Variants in PTPRA observed in about 807,000 individuals in gnomAD.
The protein encoded by PTPRA is receptor-type tyrosine-protein phosphatase alpha.
In PTPRA, 25 loss-of-function variants were observed where a neutral mutation model predicts 104.8. The ratio of observed to expected loss-of-function variants is 0.24; its 90% CI spans 0.17 to 0.33. The LOEUF (loss-of-function observed/expected upper bound fraction) is 0.33. Ranked by LOEUF, PTPRA falls within the 10% of genes least tolerant of loss-of-function variation. The pLI is 1.00. For missense variants in PTPRA, 765 were observed against 1,015.3 expected (o/e 0.75, Z 3.35); for synonymous variants, 323 against 368.9 (o/e 0.88, Z 1.43).
In PTPRA at chr20:3,037,967, C is replaced by A; in HGVS notation, c.2335-92C>A. On this transcript the variant is annotated intron_variant, in intron 23 of 23. Transcript: ENST00000399903. The surrounding 1 kb of genome is among the most constrained non-coding windows in gnomAD (Gnocchi z 4.3). The stretch of plus-strand genomic sequence containing the variant: ...AAAACATTCAGTTCCTCTTGATTTT[C>A]CATCTTCAACAAAAAAATGAGTCTG... The A allele has an allele frequency of 9.0e-7, 1 of 1,109,472 alleles. No homozygotes were observed. The highest frequency in any genetic ancestry group is 1.4e-6 in the Non-Finnish European group (1 of 740,432). 68.7% of individuals were successfully genotyped at this position (1,109,472 alleles called of 1,614,324 possible).
intron 5 of PTPRA, among the ~76,000 whole-genome samples, chr20:2,974,797 G>A (rs1159428503): frequency 6.6e-6 from 1 of 152,196 alleles, no homozygotes; most frequent in Non-Finnish European, 1.5e-5. Context: ...GGGTTTATAA[G>A]GGCTGTGGAT....
chr20:3,029,970 TC>T (rs1371828673), intron 20 of PTPRA, among the ~76,000 whole-genome samples: 1 of 152,192 alleles, frequency 6.6e-6, no homozygotes, highest in Non-Finnish European at 1.5e-5. Context: ...AGGTGCCTGT[TC>T]CTGCCGTCTC....
At chr20:2,972,801 T>C (rs2062247107) in intron 5 of PTPRA, among the ~76,000 whole-genome samples, 5 of 152,138 alleles carry the variant, frequency 3.3e-5, no homozygotes. Flanking sequence ...CATTGCGGCC[T>C]GCACCTCCTG....
At chr20:3,032,627 GCGA>G (rs2065543524) in intron 20 of PTPRA, among the ~76,000 whole-genome samples, 1 of 151,748 alleles carries the variant, frequency 6.6e-6, no homozygotes, top group African/African-American at 2.4e-5. Flanking sequence ...TTAGCTGGGC[GCGA>G]TGGTGCATGC....
chr20:2,928,838 T>TC (rs1466333070), intron 2 of PTPRA, among the ~76,000 whole-genome samples: 1 of 150,614 alleles, frequency 6.6e-6, no homozygotes, highest in Non-Finnish European at 1.5e-5. Flanking sequence ...CTCTTTTTTT[T>TC]TTTTTTTTTG....
chr20:2,878,944 A>G (rs1372852943), intron 1 of PTPRA, among the ~76,000 whole-genome samples: 1 of 152,220 alleles, frequency 6.6e-6, no homozygotes, highest in African/African-American at 2.4e-5. Context: ...AGATTGAAAT[A>G]TTGTGGAAGT....
At chr20:3,020,514 A>G (rs2064811995) in intron 13 of PTPRA, among the ~76,000 whole-genome samples, 1 of 152,028 alleles carries the variant, frequency 6.6e-6, no homozygotes, top group African/African-American at 2.4e-5. Context: ...ATGAACTGAG[A>G]CCCTGCAAGC....
At position 3,017,832 on chromosome 20, in the gene PTPRA, G is replaced by A. The variant is rs150777147; in HGVS notation, c.960G>A (p.Thr320=). ...CTACTTTAGGACCAAAAGAAGAAAC[G>A]GTGAATGATTTCTGGCGGATGATCT... The part of the protein sequence containing the change: ...FIAAQGPKEE[T]VNDFWRMIWE... The change falls in exon 13 of 24, where the codon ACG becomes ACA. Residue 320 remains threonine (T), a synonymous_variant. Coordinates refer to ENST00000399903, the MANE Select transcript of PTPRA (RefSeq NM_001385305.1). 3.6e-5 allele frequency: 58 copies of A among 1,614,104 alleles called. No homozygotes were observed. The highest frequency in any genetic ancestry group is 6.7e-5 in the East Asian group (3 of 44,884).
rs945141024 is a variant in PTPRA at position 2,988,433 on chromosome 20, A to C, written c.697A>C (p.Arg233=). ...CAAGCTGGAAGAGGAAATTAACCGG[A>C]GAATGGCAGACGACAATAAGCTCTT... ...VDKLEEEINR[R]MADDNKLFRE... Residue 233 remains arginine, a synonymous_variant, in exon 9 of 24, where the codon AGA becomes CGA. Transcript: ENST00000399903. 11 of 1,612,904 alleles carry C rather than the reference A, an allele frequency of 6.8e-6. No individual in the cohort carries two copies. In the African/African-American group the frequency reaches 1.1e-4, roughly 16 times the overall value.
rs142453302 is a variant in PTPRA, at chr20:3,016,713, C to A, written c.943+828C>A. On this transcript the variant is annotated intron_variant, in intron 12 of 23. Transcript: ENST00000399903. ...TGAGATTGCACTACTGTACTCCAGC[C>A]TGGGTGACAGAGTGAGACTTTGTCT... Among the ~76,000 whole-genome samples, 158 of 152,354 alleles carry A rather than the reference C, an allele frequency of 1.0e-3. 2 individuals carry two copies. Among genetic ancestry groups the A allele is most frequent in the African/African-American group, 3.6e-3 (151 of 41,592 alleles).
intron 6 of PTPRA, among the ~76,000 whole-genome samples, chr20:2,981,911 A>G (rs975822102): frequency 1.3e-5 from 2 of 152,092 alleles, no homozygotes; most frequent in Non-Finnish European, 2.9e-5. Context: ...TCTTCCAGAA[A>G]TCTCTCAAAG....
At chr20:2,875,495 G>A (rs979976794) in intron 1 of PTPRA, among the ~76,000 whole-genome samples, 9 of 152,284 alleles carry the variant, frequency 5.9e-5, no homozygotes, top group East Asian at 5.8e-4. Flanking sequence ...GTACATTCAT[G>A]TGTCTTCCCT....
chr20:3,021,946 C>T (rs960924706), intron 14 of PTPRA, 108 bp from the exon 15 acceptor site: 28 of 1,387,044 alleles, frequency 2.0e-5, no homozygotes, highest in Admixed American at 4.2e-5. Flanking sequence ...CCCCTGGGTA[C>T]ACTTACTTTT....
intron 2 of PTPRA, among the ~76,000 whole-genome samples, chr20:2,925,304 T>A (rs1036056976): frequency 3.3e-5 from 5 of 152,234 alleles, no homozygotes; most frequent in African/African-American, 9.6e-5. Context: ...ATCTGGTTTG[T>A]TTCACATAGG....
At chr20:2,886,101 A>G (rs1435089747) in intron 1 of PTPRA, among the ~76,000 whole-genome samples, 1 of 152,196 alleles carries the variant, frequency 6.6e-6, no homozygotes, top group African/African-American at 2.4e-5. Flanking sequence ...TTAATTGAAC[A>G]TAAGTATAGA....
At chr20:2,978,474 A>G (rs1026292920) in intron 6 of PTPRA, among the ~76,000 whole-genome samples, 1 of 152,214 alleles carries the variant, frequency 6.6e-6, no homozygotes, top group Non-Finnish European at 1.5e-5. Context: ...CTATAGGACT[A>G]TGGCTATTCC....
intron 3 of PTPRA, among the ~76,000 whole-genome samples, chr20:2,953,225 A>AT (rs1434905068): frequency 5.3e-5 from 8 of 151,004 alleles, no homozygotes; most frequent in Non-Finnish European, 1.0e-4. Flanking sequence ...TGTTTTCTGG[A>AT]TTTTTTTTAT....
chr20:2,928,976 T>C (rs2060410048), intron 2 of PTPRA, among the ~76,000 whole-genome samples: 1 of 151,942 alleles, frequency 6.6e-6, no homozygotes, highest in Non-Finnish European at 1.5e-5. Context: ...ACTATAGGCA[T>C]GCGCTACTAC....
intron 3 of PTPRA, among the ~76,000 whole-genome samples, chr20:2,952,897 CT>C (rs1027141751): frequency 1.5e-4 from 23 of 152,146 alleles, no homozygotes; most frequent in African/African-American, 5.5e-4. Context: ...AATTTCCTTC[CT>C]TTTTAAGGCT....
Sources: allele counts gnomAD v4.1 joint callset (sites outside exome capture counted in the v4.1 genomes callset), GRCh38; gene constraint gnomAD v4.1.1; non-coding constraint Gnocchi (gnomAD v3.1); transcripts MANE v1.5; gene names NCBI Gene and HGNC (gene_info 2026-07-23, HGNC 2026-07-21).